The following PLEC variants were observed in gnomAD, a reference collection of about 807,000 sequenced individuals.
PLEC encodes the protein hemidesmosomal protein 1.
A neutral mutation model predicts 392.8 loss-of-function variants in PLEC; 216 were observed. The ratio of observed to expected loss-of-function variants is 0.55; its 90% CI spans 0.49 to 0.62. PLEC has a LOEUF of 0.62. PLEC is among the 20% of genes least tolerant of loss of function. The pLI, the probability that PLEC is intolerant of heterozygous loss-of-function variation, is 0.00. For missense variants in PLEC, 6,863 were observed against 6,563.4 expected (o/e 1.05, Z -1.58); for synonymous variants, 3,621 against 2,980.6 (o/e 1.21, Z -7.00).
Position 143,938,646 on chromosome 8 carries a change from G to T in PLEC, c.159C>A (p.Asn53Lys). The T allele has an allele frequency of 1.2e-6, 2 of 1,613,830 alleles. No homozygotes were observed. Among genetic ancestry groups the T allele is most frequent in the Non-Finnish European group, 1.7e-6 (2 of 1,179,928 alleles). Residue 53 changes from asparagine to lysine, a missense_variant, in exon 2 of 32, where the codon AAC (asparagine) becomes AAA (lysine). Coordinates refer to ENST00000345136, the MANE Select transcript of PLEC (RefSeq NM_201384.3). ...VQKKTFTKWVNKHLIKAQRHI... is the reference protein window; with the variant it reads ...VQKKTFTKWVKKHLIKAQRHI... ...CGCCACCAACCTTGATGAGGTGCTT[G>T]TTGACCCACTTGGTGAAGGTTTTCT...
At position 143,919,488 on chromosome 8, in the gene PLEC, T is replaced by G. The variant is rs1302689105; in HGVS notation, c.10333A>C (p.Ile3445Leu). 3 of 1,613,172 alleles carry G rather than the reference T, an allele frequency of 1.9e-6. No individual in the cohort carries two copies. The highest frequency in any genetic ancestry group is 2.5e-6 in the Non-Finnish European group (3 of 1,179,872). The change falls in exon 32 of 32, where the codon ATC becomes CTC. Residue 3445 changes from isoleucine (I) to leucine (L), a missense_variant. Transcript: ENST00000345136. ...GYRDPYSGST[I>L]SLFQAMQKGL... The stretch of plus-strand genomic sequence containing the variant: ...TTCTGCATGGCCTGGAAGAGGGAGA[T>G]GGTGCTGCCCGAGTAGGGGTCTCTG...
At chr8:143,940,320 A>G (rs956758985), upstream of PLEC, among the ~76,000 whole-genome samples, 10 of 152,180 alleles carry the variant, frequency 6.6e-5, no homozygotes, top group Admixed American at 2.6e-4. Context: ...GCCGGGCCTC[A>G]TGGGGGAATG....
chr8:143,959,301 G>A (rs943881250), intron 1 of PLEC, among the ~76,000 whole-genome samples: 18 of 152,226 alleles, frequency 1.2e-4, no homozygotes, highest in Non-Finnish European at 7.3e-5. Flanking sequence ...TAAAAGACCC[G>A]AGAGATTTCT....
chr8:143,951,889 T>C (rs1252334133), upstream of PLEC, among the ~76,000 whole-genome samples: 1 of 144,662 alleles, frequency 6.9e-6, no homozygotes, highest in Non-Finnish European at 1.5e-5. Flanking sequence ...GCCCCGCTGC[T>C]GCCGCCCCCA....
chr8:143,947,454 A>T (rs782566162), intron 1 of PLEC, among the ~76,000 whole-genome samples: 1 of 152,196 alleles, frequency 6.6e-6, no homozygotes, highest in South Asian at 2.1e-4. Context: ...AAGCATCGCC[A>T]TTTGCAATGT....
Position 143,916,282 on chromosome 8 carries a change from G to A in PLEC, c.13539C>T (p.Phe4513=), listed in dbSNP as rs2130777511. ...AGGAGGATGAAGAGAAGGTCATGGAGAAGCCGGAGCCGGTGGCGTCAAAGC... is the reference window on the plus strand; with the variant it reads ...AGGAGGATGAAGAGAAGGTCATGGAAAAGCCGGAGCCGGTGGCGTCAAAGC... ...RGSFDATGSG[F]SMTFSSSSYS... is the part of the protein sequence containing the mutation. The change falls in exon 32 of 32, where the codon TTC becomes TTT. Residue 4513 remains phenylalanine (F), a synonymous_variant. Transcript: ENST00000345136. 1 of 1,562,432 alleles carries A rather than the reference G, an allele frequency of 6.4e-7. No homozygotes were observed. The highest frequency in any genetic ancestry group is 2.4e-5 in the East Asian group (1 of 41,740).
In PLEC at chr8:143,950,402, C is replaced by T. The variant is rs200335928; in HGVS notation, c.305G>A (p.Arg102His). 1.4e-3 allele frequency: 2,179 copies of T among 1,605,540 alleles called. 13 individuals carry two copies. The highest frequency in any genetic ancestry group is 7.1e-4 in the Non-Finnish European group (840 of 1,177,204). Residue 102 changes from arginine (R) to histidine (H), a missense_variant, in exon 1 of 32, where the codon CGC becomes CAC. Arg to His is a conservative substitution (Grantham distance 29, BLOSUM62 0). Coordinates refer to the PLEC transcript ENST00000322810. ...TGCGGGCATCACCATGGCGACGGGG[C>T]GGCGCACGCGCTGCAGAGAGGCGGG...
chr8:143,950,952 C>A, upstream of PLEC: 1 of 759,268 alleles, frequency 1.3e-6, no homozygotes, highest in Non-Finnish European at 2.0e-6. Flanking sequence ...TCCTCCAGGA[C>A]GCCGGGCCGG....
rs1367834557 is a variant in PLEC, at chr8:143,925,784, G to A, written c.4145C>T (p.Ala1382Val). 25 of 1,583,644 alleles carry A rather than the reference G, an allele frequency of 1.6e-5. No individual in the cohort carries two copies. Among genetic ancestry groups the A allele is most frequent in the Non-Finnish European group, 2.0e-5 (23 of 1,172,452 alleles). ...CGCCTCCCGCTCCGCCTGTGCCTTT[G>A]CCTGGGCGTGCGCCTCGGCCAGCTG... is the stretch of plus-strand genomic sequence containing the variant. ...QRQLAEAHAQ[A>V]KAQAEREAKE... The change falls in exon 31 of 32, where the codon GCA becomes GTA. Residue 1382 changes from alanine to valine, a missense_variant. Ala to Val is a moderately conservative substitution (Grantham distance 64, BLOSUM62 0). Transcript: ENST00000345136.
In PLEC at chr8:143,921,454, G is replaced by C; in HGVS notation, c.8367C>G (p.Phe2789Leu). ...DPYTGQQISLFQAMQKGLIVR... is the reference protein window; with the variant it reads ...DPYTGQQISLLQAMQKGLIVR... ...CGATGAGGCCCTTCTGCATGGCTTG[G>C]AAGAGAGAGATCTGCTGGCCAGTGT... Residue 2789 changes from phenylalanine (F) to leucine (L), a missense_variant, in exon 32 of 32, where the codon TTC becomes TTG. Phe to Leu is a conservative substitution (Grantham distance 22). Transcript: ENST00000345136. 6.2e-7 allele frequency: 1 copy of C among 1,613,360 alleles called. No individual in the cohort carries two copies. Among genetic ancestry groups the C allele is most frequent in the Non-Finnish European group, 8.5e-7 (1 of 1,179,852 alleles).
Position 143,922,250 on chromosome 8 carries a change from A to G in PLEC, c.7571T>C (p.Val2524Ala), listed in dbSNP as rs1554689076. Reference sequence around the variant, plus strand: ...CTCACGCAGCTGCTGTGCCTTGGCCACCTCGTCCTGGAAGAGCTGCTCCAG... The same window carrying G: ...CTCACGCAGCTGCTGTGCCTTGGCCGCCTCGTCCTGGAAGAGCTGCTCCAG... ...AKLEQLFQDE[V>A]AKAQQLREEQ... The change falls in exon 32 of 32, where the codon GTG becomes GCG. Residue 2524 changes from valine (V) to alanine (A), a missense_variant. Coordinates refer to ENST00000345136, the MANE Select transcript of PLEC (RefSeq NM_201384.3). 6.9e-6 allele frequency: 11 copies of G among 1,594,452 alleles called. No individual in the cohort carries two copies. The highest frequency in any genetic ancestry group is 9.4e-6 in the Non-Finnish European group (11 of 1,173,304).
In PLEC at chr8:143,924,131, CT is replaced by C; in HGVS notation, c.5797del (p.Ser1933AlafsTer82). 1 of 1,598,822 alleles carries C rather than the reference CT, an allele frequency of 6.3e-7. No homozygotes were observed. Among genetic ancestry groups the C allele is most frequent in the Non-Finnish European group, 8.5e-7 (1 of 1,179,476 alleles). ...CTTGCCAGCGGCCGCCTTCTCGAAG[CT>C]CGCCTTCAGCGCCAGGATCTCCTCC... is the stretch of plus-strand genomic sequence containing the variant. The part of the protein sequence containing the change: ...VEEEILALKA[S>X]FEKAAAGKAE... On this transcript the variant is annotated frameshift_variant, in exon 31 of 32. Transcript: ENST00000345136. LOFTEE classifies it high-confidence loss of function.
rs1554710370 is a variant in PLEC, at chr8:143,929,180, G to C, written c.3183C>G (p.Pro1061=). The C allele has an allele frequency of 6.3e-7, 1 of 1,597,986 alleles. No homozygotes were observed. The highest frequency in any genetic ancestry group is 1.1e-5 in the South Asian group (1 of 89,048). ...LALPEPSPAA[P]TLRSELELTL... is the part of the protein sequence containing the mutation. ...TCAGCTCCAGCTCCGAGCGCAGCGT[G>C]GGGGCCGCAGGCGATGGCTCTGGTA... Residue 1061 remains proline, a synonymous_variant, in exon 25 of 32, where the codon CCC becomes CCG. Transcript: ENST00000345136.
Position 143,925,689 on chromosome 8 carries a change from G to C in PLEC, c.4240C>G (p.Gln1414Glu). The change falls in exon 31 of 32, where the codon CAG becomes GAG. Residue 1414 changes from glutamine (Q) to glutamate (E), a missense_variant. Transcript: ENST00000345136. ...AGCTCCTCCTGAATGCTGCGCTTCT[G>C]CTGCTGCGCGTCCACCGCCGCCTCC... ...REEAAVDAQQ[Q>E]KRSIQEELQQ... The C allele has an allele frequency of 6.3e-7, 1 of 1,591,904 alleles. No homozygotes were observed. The highest frequency in any genetic ancestry group is 8.5e-7 in the Non-Finnish European group (1 of 1,176,478).
rs564072063 is a variant in PLEC at position 143,933,991 on chromosome 8, C to T, written c.1263+7G>A. Reference sequence around the variant, plus strand: ...TCCCGCCCACTGCCTGCCCCACACCCCCTCACCGACTGCAGCAGGGCGTCG... The same window carrying T: ...TCCCGCCCACTGCCTGCCCCACACCTCCTCACCGACTGCAGCAGGGCGTCG... On this transcript the variant is annotated splice_region_variant and intron_variant, in intron 12 of 31. Transcript: ENST00000345136. The T allele has an allele frequency of 5.0e-6, 8 of 1,607,552 alleles. No individual in the cohort carries two copies. Among genetic ancestry groups the T allele is most frequent in the Admixed American group, 1.7e-5 (1 of 59,812 alleles).
chr8:143,917,378 G>T lies in PLEC; in HGVS notation c.12443C>A (p.Thr4148Lys). The T allele has an allele frequency of 1.9e-6, 3 of 1,611,362 alleles. No homozygotes were observed. Among genetic ancestry groups the T allele is most frequent in the Admixed American group, 1.7e-5 (1 of 60,022 alleles). Reference protein sequence around the residue: ...KRRVVIVDPETGKEMSVYEAY... With the variant: ...KRRVVIVDPEKGKEMSVYEAY... The stretch of plus-strand genomic sequence containing the variant: ...CTCGTACACTGACATCTCCTTGCCC[G>T]TCTCGGGGTCCACGATGACCACTCG... Residue 4148 changes from threonine to lysine, a missense_variant, in exon 32 of 32, where the codon ACG (threonine) becomes AAG (lysine). By Grantham distance (78) the Thr-to-Lys change is moderately conservative. Transcript: ENST00000345136.
In PLEC at chr8:143,930,251, C is replaced by G; in HGVS notation, c.2505G>C (p.Gln835His). The change falls in exon 21 of 32, where the codon CAG becomes CAC. Residue 835 changes from glutamine (Q) to histidine (H), a missense_variant. Physicochemically the swap from Gln to His is conservative, Grantham distance 24 (BLOSUM62 0). Transcript: ENST00000345136. ...TGCTGAGCACCTTCCAGTGGGACGG[C>G]TGTGCAGGGCCCACCAGCTGGCACT... is the stretch of plus-strand genomic sequence containing the variant. ...GDECQLVGPA[Q>H]PSHWKVLSSS... 2.5e-6 allele frequency: 4 copies of G among 1,599,972 alleles called. No homozygotes were observed. Among genetic ancestry groups the G allele is most frequent in the Non-Finnish European group, 3.4e-6 (4 of 1,177,844 alleles).
intron 25 of PLEC, among the ~76,000 whole-genome samples, 187 bp downstream of exon 25, chr8:143,928,916 C>T (rs797040165): frequency 2.4e-4 from 36 of 152,320 alleles, no homozygotes; most frequent in African/African-American, 7.7e-4. Flanking sequence ...ACTGTCGAAG[C>T]GTATCCAGCC....
In PLEC at chr8:143,929,483, C is replaced by T; in HGVS notation, c.3012G>A (p.Val1004=). 6.2e-7 allele frequency: 1 copy of T among 1,605,578 alleles called. No homozygotes were observed. The highest frequency in any genetic ancestry group is 8.5e-7 in the Non-Finnish European group (1 of 1,177,302). Residue 1004 remains valine, a synonymous_variant, in exon 24 of 32, where the codon GTG becomes GTA. Coordinates refer to ENST00000345136, the MANE Select transcript of PLEC (RefSeq NM_201384.3). ...TGTCCAGCGGCAGCCGCAGGCGGTG[C>T]ACGGTGCGCGTCTCACAGGCCTCCA... is the stretch of plus-strand genomic sequence containing the variant. The part of the protein sequence containing the change: ...LQLEACETRT[V]HRLRLPLDKE...
Sources: allele counts gnomAD v4.1 joint callset (sites outside exome capture counted in the v4.1 genomes callset), GRCh38; gene constraint gnomAD v4.1.1; transcripts MANE v1.5; gene names NCBI Gene and HGNC (gene_info 2026-07-23, HGNC 2026-07-21).